CNNM3: variants seen among roughly 807,000 people sequenced by gnomAD.
The protein encoded by CNNM3 is cyclin and CBS domain divalent metal cation transport mediator 3, also known as metal transporter CNNM3.
Under a neutral mutation model 57.1 loss-of-function variants are expected in CNNM3, and 47 were observed. That is an observed-to-expected ratio of 0.82 (90% confidence interval 0.65 to 1.05). The LOEUF (loss-of-function observed/expected upper bound fraction) is 1.05. Ranked by LOEUF, CNNM3 falls within the 50% of genes least tolerant of loss-of-function variation. The probability of loss-of-function intolerance (pLI) is 0.00; values close to 1 mark genes in which losing one functional copy is unlikely to be tolerated. For synonymous variants in CNNM3, 507 were observed against 478.2 expected (o/e 1.06, Z -0.79); for missense variants, 957 against 973.7 (o/e 0.98, Z 0.23).
intron 7 of CNNM3, chr2:96,831,963 C>G (rs2079610875): frequency 1.0e-6 from 1 of 985,486 alleles, no homozygotes; most frequent in African/African-American, 1.7e-5. Flanking sequence ...TCTCTGCTCT[C>G]TTTAGCCTTC....
rs988237499 is a variant in CNNM3 at position 96,816,467 on chromosome 2, C to T, written c.190C>T (p.Leu64=). 4 of 1,456,648 alleles carry T rather than the reference C, an allele frequency of 2.7e-6. No homozygotes were observed. The South Asian group carries it at 4.1e-5, about 15-fold the overall frequency. The allele number at this position is 1,456,648 out of a possible 1,614,324, so 90.2% of individuals were successfully genotyped here. ...GGACACGCCGGACGCCACCTTCCTC[C>T]TGCGCCTCTTCGGCCCGGGCTTCGC... The part of the protein sequence containing the change: ...ARDTPDATFL[L]RLFGPGFANS... Residue 64 remains leucine, a synonymous_variant, in exon 1 of 8, where the codon CTG becomes TTG. Transcript: ENST00000305510.
At chr2:96,827,584 G>T (rs2079530439) in intron 3 of CNNM3, 147 bp from the exon 4 acceptor site, 4 of 696,886 alleles carry the variant, frequency 5.7e-6, no homozygotes, top group Non-Finnish European at 9.5e-6. Flanking sequence ...TAGTTCTCTT[G>T]TGTTGAGGTG....
At chr2:96,828,249 TC>T (rs2079543379) in intron 5 of CNNM3, 54 bp downstream of exon 5, 1 of 1,405,792 alleles carries the variant, frequency 7.1e-7, no homozygotes, top group Non-Finnish European at 1.0e-6. Context: ...GCAGAGCCTG[TC>T]CCCCATCATC....
intron 1 of CNNM3, among the ~76,000 whole-genome samples, chr2:96,824,368 C>T (rs572934427): frequency 1.3e-5 from 2 of 152,360 alleles, no homozygotes; most frequent in South Asian, 4.1e-4. Context: ...CCACTCTTCT[C>T]ATCCCCTAGT....
chr2:96,816,367 C>A lies in CNNM3; in HGVS notation c.90C>A (p.Gly30=). The A allele has an allele frequency of 7.5e-7, 1 of 1,325,448 alleles. No individual in the cohort carries two copies. The highest frequency in any genetic ancestry group is 9.6e-7 in the Non-Finnish European group (1 of 1,037,336). The allele number at this position is 1,325,448 out of a possible 1,614,324, so 82.1% of individuals were successfully genotyped here. The stretch of plus-strand genomic sequence containing the variant: ...ACGCCGCGGGGGAGGCCGCGCCGGG[C>A]CCGCGAGTGCTGGGCTTCTGCCTGG... ...LGNAAGEAAP[G]PRVLGFCLEE... is the part of the protein sequence containing the mutation. Residue 30 remains glycine, a synonymous_variant, in exon 1 of 8, where the codon GGC becomes GGA. Coordinates refer to ENST00000305510, the MANE Select transcript of CNNM3 (RefSeq NM_017623.5).
At chr2:96,820,680 G>C (rs1222858193) in intron 1 of CNNM3, among the ~76,000 whole-genome samples, 1 of 152,228 alleles carries the variant, frequency 6.6e-6, no homozygotes, top group Admixed American at 6.5e-5. Context: ...TGCAAGAGCA[G>C]ATTTGGTGCC....
chr2:96,832,236 C>T, intron 7 of CNNM3: 1 of 985,348 alleles, frequency 1.0e-6, no homozygotes, highest in Non-Finnish European at 1.2e-6. Context: ...TGAGACTCCT[C>T]CACTGTGGAA....
downstream of CNNM3, chr2:96,836,476 G>A (rs1327730614): frequency 1.3e-5 from 2 of 152,000 alleles, no homozygotes; most frequent in African/African-American, 4.8e-5. Flanking sequence ...CCTGACCTCA[G>A]ATGATCTGCC....
intron 3 of CNNM3, among the ~76,000 whole-genome samples, chr2:96,827,207 A>T (rs943592136): frequency 6.6e-6 from 1 of 150,726 alleles, no homozygotes; most frequent in Non-Finnish European, 1.5e-5. Flanking sequence ...CGCCTGGTGC[A>T]CCACAGCCAG....
rs2079336385 is a variant in CNNM3 at position 96,817,199 on chromosome 2, G to A, written c.922G>A (p.Val308Met). Residue 308 changes from valine (V) to methionine (M), a missense_variant, in exon 1 of 8, where the codon GTG (valine) becomes ATG (methionine). Physicochemically the swap from Val to Met is conservative, Grantham distance 21 (BLOSUM62 1). This residue lies in a region of CNNM3 where 491 missense variants were observed against 570.6 expected (regional missense o/e 0.86). Transcript: ENST00000305510. The stretch of plus-strand genomic sequence containing the variant: ...CCCCTACAGCGATCTCAGCAAGGGC[G>A]TGCTGCGCTGCCGGACCGTGGAGGA... ...GDPYSDLSKG[V>M]LRCRTVEDVL... The A allele has an allele frequency of 1.9e-6, 3 of 1,588,116 alleles. No individual in the cohort carries two copies. The highest frequency in any genetic ancestry group is 1.3e-5 in the African/African-American group (1 of 74,838).
At chr2:96,825,287 T>TGAC in intron 2 of CNNM3, 86 bp downstream of exon 2, 1 of 1,505,468 alleles carries the variant, frequency 6.6e-7, no homozygotes, top group Non-Finnish European at 9.0e-7. Context: ...AGTGGGCCTC[T>TGAC]GTGCTGCTGG....
chr2:96,818,542 C>T (rs2079359887), intron 1 of CNNM3, among the ~76,000 whole-genome samples: 2 of 152,116 alleles, frequency 1.3e-5, no homozygotes, highest in African/African-American at 2.4e-5. Flanking sequence ...TGAGCCACCG[C>T]GCCCAGCCTC....
At position 96,830,194 on chromosome 2, in the gene CNNM3, G is replaced by A. The variant is rs2079577626; in HGVS notation, c.2059+1060G>A. 1.3e-5 allele frequency among the ~76,000 whole-genome samples: 2 copies of A among 152,140 alleles called. 1 individual carries two copies. Among genetic ancestry groups the A allele is most frequent in the South Asian group, 4.1e-4 (2 of 4,832 alleles). ...AGATATGCCTGAACTTGAGATTCCT[G>A]GAAGAGCTGGTGGGGCTGTGGAGGG... On this transcript the variant is annotated intron_variant, in intron 7 of 7. Coordinates refer to ENST00000305510, the MANE Select transcript of CNNM3 (RefSeq NM_017623.5).
Position 96,816,366 on chromosome 2 carries a change from G to A in CNNM3, c.89G>A (p.Gly30Asp). The A allele has an allele frequency of 2.1e-5, 28 of 1,325,414 alleles. No individual in the cohort carries two copies. Among genetic ancestry groups the A allele is most frequent in the Non-Finnish European group, 2.6e-5 (27 of 1,037,316 alleles). The allele number at this position is 1,325,414 out of a possible 1,614,324, so 82.1% of individuals were successfully genotyped here. ...LGNAAGEAAP[G>D]PRVLGFCLEE... ...AACGCCGCGGGGGAGGCCGCGCCGG[G>A]CCCGCGAGTGCTGGGCTTCTGCCTG... The change falls in exon 1 of 8, where the codon GGC becomes GAC. Residue 30 changes from glycine to aspartate, a missense_variant. By Grantham distance (94) the Gly-to-Asp change is moderately conservative. Coordinates refer to ENST00000305510, the MANE Select transcript of CNNM3 (RefSeq NM_017623.5).
rs2079650630 is a variant in CNNM3 at position 96,834,080 on chromosome 2, G to C, written c.*1464G>C. Among the ~76,000 whole-genome samples, 1 of 152,042 alleles carries C rather than the reference G, an allele frequency of 6.6e-6. No individual in the cohort carries two copies. The highest frequency in any genetic ancestry group is 1.5e-5 in the Non-Finnish European group (1 of 68,016). ...TTACAGGTGCCCACCACCACACCCGGCTAATTTTTGTATTTTTAGTAGAGA... is the reference window on the plus strand; with the variant it reads ...TTACAGGTGCCCACCACCACACCCGCCTAATTTTTGTATTTTTAGTAGAGA... On this transcript the variant is annotated 3_prime_UTR_variant, in exon 8 of 8. Coordinates refer to ENST00000305510, the MANE Select transcript of CNNM3 (RefSeq NM_017623.5).
chr2:96,829,255 T>C (rs565586875), intron 7 of CNNM3, 121 bp downstream of exon 7: 38 of 1,283,636 alleles, frequency 3.0e-5, no homozygotes, highest in Middle Eastern at 2.9e-4. Context: ...TTTCTCCCCA[T>C]CCTTTTCCCT....
At chr2:96,822,423 T>C (rs2079423201) in intron 1 of CNNM3, among the ~76,000 whole-genome samples, 1 of 151,602 alleles carries the variant, frequency 6.6e-6, no homozygotes, top group South Asian at 2.1e-4. Flanking sequence ...ATCCTTCCAC[T>C]TCAGCCTCCT....
Position 96,828,712 on chromosome 2 carries a change from G to T in CNNM3, c.1920+12G>T. 2 of 1,614,058 alleles carry T rather than the reference G, an allele frequency of 1.2e-6. No individual in the cohort carries two copies. Among genetic ancestry groups the T allele is most frequent in the Non-Finnish European group, 1.7e-6 (2 of 1,179,952 alleles). ...TGCAGCTCATCAAGGTGACTGCCTG[G>T]GCTGCTTGTGGGTGCTGGCTTTAGC... On this transcript the variant is annotated intron_variant, in intron 6 of 7. Coordinates refer to ENST00000305510, the MANE Select transcript of CNNM3 (RefSeq NM_017623.5).
At chr2:96,827,061 A>T in intron 3 of CNNM3, 79 bp downstream of exon 3, 1 of 1,502,344 alleles carries the variant, frequency 6.7e-7, no homozygotes, top group Non-Finnish European at 9.0e-7. Context: ...GCCGACACTG[A>T]CTCTGCTCCC....
Sources: allele counts gnomAD v4.1 joint callset (sites outside exome capture counted in the v4.1 genomes callset), GRCh38; gene constraint gnomAD v4.1.1; regional missense constraint gnomAD v4.1.1; transcripts MANE v1.5; gene names NCBI Gene and HGNC (gene_info 2026-07-23, HGNC 2026-07-21).